RNF126: variants seen among roughly 807,000 people sequenced by gnomAD.
RNF126 encodes ring finger protein 126.
In RNF126, 20 loss-of-function variants were observed where a neutral mutation model predicts 41.9. The observed-to-expected ratio is 0.48, with a 90% CI of 0.34 to 0.69. The LOEUF (loss-of-function observed/expected upper bound fraction) is 0.69. RNF126 is among the 30% of genes least tolerant of loss of function. The pLI is 0.01. For missense variants in RNF126, 433 were observed against 460.6 expected, an observed-to-expected ratio of 0.94 and a Z score of 0.55; for synonymous variants, 239 against 202.9, an observed-to-expected ratio of 1.18 and a Z score of -1.51.
intron 6 of RNF126, 152 bp from the exon 7 acceptor site, chr19:649,127 T>G: frequency 2.9e-6 from 1 of 344,206 alleles, no homozygotes; most frequent in Non-Finnish European, 5.2e-6. Context: ...GAGATCACTG[T>G]GGAGCCCACG....
At chr19:654,347 A>T (rs1055352009) in intron 1 of RNF126, among the ~76,000 whole-genome samples, 1 of 152,200 alleles carries the variant, frequency 6.6e-6, no homozygotes, top group Non-Finnish European at 1.5e-5. Flanking sequence ...AATTCTCGGC[A>T]CGCTCCGCCA....
rs1568187474 is a variant in RNF126 at position 647,946 on chromosome 19, C to T, written c.*182G>A. 2.8e-6 allele frequency: 2 copies of T among 713,446 alleles called. No individual in the cohort carries two copies. The highest frequency in any genetic ancestry group is 2.8e-5 in the East Asian group (1 of 36,118). 44.2% of individuals were successfully genotyped at this position (713,446 alleles called of 1,614,324 possible). A position where few individuals can be genotyped will look rare whatever the true frequency, so the allele number is the denominator to read the frequency against. ...ACGCCCCAGAGGGGACCATGTGGCCCACGCCTTCCCAAGCCAGGGGGCCGG... is the reference window on the plus strand; with the variant it reads ...ACGCCCCAGAGGGGACCATGTGGCCTACGCCTTCCCAAGCCAGGGGGCCGG... On this transcript the variant is annotated 3_prime_UTR_variant, in exon 9 of 9. Coordinates refer to ENST00000292363, the MANE Select transcript of RNF126 (RefSeq NM_194460.3).
At chr19:660,941 G>T (rs757614033) in intron 1 of RNF126, among the ~76,000 whole-genome samples, 1 of 152,270 alleles carries the variant, frequency 6.6e-6, no homozygotes, top group African/African-American at 2.4e-5. Flanking sequence ...GGGTGGACAC[G>T]GGCAGGCCCC....
intron 1 of RNF126, among the ~76,000 whole-genome samples, chr19:654,873 A>G (rs2030493223): frequency 6.6e-6 from 1 of 151,926 alleles, no homozygotes; most frequent in South Asian, 2.1e-4. Context: ...AGGCTGAGAC[A>G]GGAGAATCGC....
At chr19:657,259 G>A (rs2030598916) in intron 1 of RNF126, among the ~76,000 whole-genome samples, 6 of 152,226 alleles carry the variant, frequency 3.9e-5, no homozygotes. Flanking sequence ...ACGTGGCCTG[G>A]CACAGCGCTC....
At chr19:652,802 C>G in intron 2 of RNF126, 24 bp downstream of exon 2, 1 of 1,611,070 alleles carries the variant, frequency 6.2e-7, no homozygotes, top group Non-Finnish European at 8.5e-7. Flanking sequence ...CTCTTCCAGC[C>G]TCTTCAACAG....
Position 648,174 on chromosome 19 carries a change from G to A in RNF126, c.890C>T (p.Ser297Phe), listed in dbSNP as rs1310579319. ...GVSFSSSSSS[S>F]SSSSPSNENA... is the part of the protein sequence containing the mutation. Reference sequence around the variant, plus strand: ...CTCGTTGCTGGGCGAGCTGGAGGAGGACGATGACGACGAGGAGGAGAAGCT... The same window carrying A: ...CTCGTTGCTGGGCGAGCTGGAGGAGAACGATGACGACGAGGAGGAGAAGCT... Residue 297 changes from serine to phenylalanine, a missense_variant, in exon 9 of 9, where the codon TCC (serine) becomes TTC (phenylalanine). Physicochemically the swap from Ser to Phe is radical, Grantham distance 155 (BLOSUM62 -2). Coordinates refer to ENST00000292363, the MANE Select transcript of RNF126 (RefSeq NM_194460.3). 1.9e-6 allele frequency: 3 copies of A among 1,606,426 alleles called. No individual in the cohort carries two copies. The highest frequency in any genetic ancestry group is 1.7e-6 in the Non-Finnish European group (2 of 1,175,390).
chr19:657,503 G>T (rs1011661171), intron 1 of RNF126, among the ~76,000 whole-genome samples: 5 of 152,192 alleles, frequency 3.3e-5, no homozygotes, highest in Non-Finnish European at 5.9e-5. Flanking sequence ...CCACAGCACT[G>T]TCCAGAACCC....
In RNF126 at chr19:659,455, G is replaced by C. The variant is rs933612295; in HGVS notation, c.75+3592C>G. Among the ~76,000 whole-genome samples the C allele has an allele frequency of 2.0e-4, 30 of 152,168 alleles. No individual in the cohort carries two copies. The highest frequency in any genetic ancestry group is 4.1e-4 in the Non-Finnish European group (28 of 68,008). On this transcript the variant is annotated intron_variant, in intron 1 of 8. Coordinates refer to ENST00000292363, the MANE Select transcript of RNF126 (RefSeq NM_194460.3). This position sits in a 1 kb window ranked among gnomAD's most constrained non-coding sequence, Gnocchi z 4.9. The stretch of plus-strand genomic sequence containing the variant: ...GCGGAGGTTGCAGGCGTTCGGGGGT[G>C]GGGGGTCGGCAGGCAGAGCTGGAAC...
chr19:662,987 G>A (rs1390762145), intron 1 of RNF126, 60 bp downstream of exon 1: 14 of 883,010 alleles, frequency 1.6e-5, no homozygotes, highest in Non-Finnish European at 2.0e-5. Flanking sequence ...CCCCGGCCCC[G>A]GCCTTGCCTC....
Position 652,851 on chromosome 19 carries a change from T to C in RNF126, c.109A>G (p.Ile37Val). The C allele has an allele frequency of 6.2e-7, 1 of 1,613,310 alleles. No individual in the cohort carries two copies. The highest frequency in any genetic ancestry group is 1.1e-5 in the South Asian group (1 of 90,972). The change falls in exon 2 of 9, where the codon ATC becomes GTC. Residue 37 changes from isoleucine (I) to valine (V), a missense_variant. Coordinates refer to ENST00000292363, the MANE Select transcript of RNF126 (RefSeq NM_194460.3). The stretch of plus-strand genomic sequence containing the variant: ...CTGGTCTCTTCCGGAAGCTCCTCGA[T>C]AAAACCAGACTCGCATCTTGGACAG... Reference protein sequence around the residue: ...YICPRCESGFIEELPEETRST... With the variant: ...YICPRCESGFVEELPEETRST...
At chr19:651,456 G>GGAGT (rs1218270978) in intron 4 of RNF126, 155 bp downstream of exon 4, 6 of 638,674 alleles carry the variant, frequency 9.4e-6, no homozygotes, top group Non-Finnish European at 1.4e-5. Flanking sequence ...GGCCGTGTGG[G>GGAGT]GAGTCACAGG....
intron 4 of RNF126, 87 bp from the exon 5 acceptor site, chr19:650,383 G>GGACCT: frequency 8.6e-7 from 1 of 1,156,090 alleles, no homozygotes; most frequent in Non-Finnish European, 1.2e-6. Context: ...TGAGCACCAA[G>GGACCT]GGCAGGGCCA....
chr19:648,340 G>GGGGTGGGGGGGC (rs1568187919), intron 8 of RNF126, 32 bp downstream of exon 8: 2 of 1,361,834 alleles, frequency 1.5e-6, no homozygotes, highest in Admixed American at 2.0e-5. Flanking sequence ...GGCCGCGGTC[G>GGGGTGGGGGGGC]GGGTGGGGGG....
chr19:652,390 G>T, intron 2 of RNF126, 94 bp from the exon 3 acceptor site: 1 of 1,159,672 alleles, frequency 8.6e-7, no homozygotes, highest in Non-Finnish European at 1.2e-6. Context: ...GGGAGAGCAG[G>T]AATTGTCCTT....
rs112294311 is a variant in RNF126 at position 650,146 on chromosome 19, G to A, written c.506+88C>T. On this transcript the variant is annotated intron_variant, in intron 5 of 8. Coordinates refer to ENST00000292363, the MANE Select transcript of RNF126 (RefSeq NM_194460.3). ...CAGGCACCCCCTCCTACTCACCAGG[G>A]ACCCTGGCTGGGGATGGGGACAGGC... is the stretch of plus-strand genomic sequence containing the variant. 8,699 of 1,121,866 alleles carry A rather than the reference G, an allele frequency of 7.8e-3. 174 individuals carry two copies. Among genetic ancestry groups the A allele is most frequent in the African/African-American group, 0.059 (3,110 of 52,712 alleles). 69.5% of individuals were successfully genotyped at this position (1,121,866 alleles called of 1,614,324 possible).
intron 5 of RNF126, 91 bp downstream of exon 5, chr19:650,143 A>T: frequency 9.0e-7 from 1 of 1,105,862 alleles, no homozygotes; most frequent in Middle Eastern, 2.8e-4. Flanking sequence ...CCTACTCACC[A>T]GGGACCCTGG....
intron 1 of RNF126, among the ~76,000 whole-genome samples, chr19:655,827 A>G (rs1600638677): frequency 1.3e-5 from 2 of 151,920 alleles, no homozygotes; most frequent in Admixed American, 1.3e-4. Flanking sequence ...GTCCACCCGC[A>G]CCTCAGAGCA....
chr19:662,950 G>C (rs528658455), intron 1 of RNF126, 97 bp downstream of exon 1: 189 of 477,124 alleles, frequency 4.0e-4, no homozygotes, highest in African/African-American at 3.7e-3. Flanking sequence ...GTCAGCTCGC[G>C]CAAGAGGCGG....
Sources: allele counts gnomAD v4.1 joint callset (sites outside exome capture counted in the v4.1 genomes callset), GRCh38; gene constraint gnomAD v4.1.1; non-coding constraint Gnocchi (gnomAD v3.1); transcripts MANE v1.5; gene names NCBI Gene and HGNC (gene_info 2026-07-23, HGNC 2026-07-21).